The following XRCC1 variants were observed in gnomAD, a reference collection of about 807,000 sequenced individuals.
XRCC1 encodes X-ray repair cross complementing 1.
XRCC1 carries 52 observed loss-of-function variants against 83.3 expected under a neutral mutation model. The ratio of observed to expected loss-of-function variants is 0.62; its 90% confidence interval spans 0.50 to 0.79. The LOEUF (loss-of-function observed/expected upper bound fraction) is 0.79, where lower values mean the gene tolerates loss of function less well. XRCC1 is among the 30% of genes least tolerant of loss of function. The probability of loss-of-function intolerance (pLI) is 0.00; values close to 1 mark genes in which losing one functional copy is unlikely to be tolerated. For missense variants in XRCC1, 793 were observed against 823.5 expected (o/e 0.96, Z 0.45); for synonymous variants, 281 against 312.6 (o/e 0.90, Z 1.07).
At position 43,552,791 on chromosome 19, in the gene XRCC1, G is replaced by A; in HGVS notation, c.823+6C>T. ...CCTGTGGAAACAAGGGATCTAGTTA[G>A]CTCACATTTAGGTCTCTTGGGAACA... On this transcript the variant is annotated splice_donor_region_variant and intron_variant, in intron 8 of 16. Coordinates refer to ENST00000262887, the MANE Select transcript of XRCC1 (RefSeq NM_006297.3). The A allele has an allele frequency of 1.3e-6, 2 of 1,597,878 alleles. No individual in the cohort carries two copies. Among genetic ancestry groups the A allele is most frequent in the South Asian group, 2.3e-5 (2 of 88,610 alleles).
Position 43,554,729 on chromosome 19 carries a change from A to G in XRCC1, c.331T>C (p.Phe111Leu). The G allele has an allele frequency of 6.2e-7, 1 of 1,614,062 alleles. No homozygotes were observed. Among genetic ancestry groups the G allele is most frequent in the Non-Finnish European group, 8.5e-7 (1 of 1,179,962 alleles). ...SGSNPNRVRM[F>L]GPDKLVRAAA... The stretch of plus-strand genomic sequence containing the variant: ...GCCCGGACCAGCTTGTCAGGCCCAA[A>G]CATGCGAACGCGGTTGGGGTTTGAG... Residue 111 changes from phenylalanine to leucine, a missense_variant, in exon 4 of 17, where the codon TTT (phenylalanine) becomes CTT (leucine). Physicochemically the swap from Phe to Leu is conservative, Grantham distance 22. Coordinates refer to ENST00000262887, the MANE Select transcript of XRCC1 (RefSeq NM_006297.3).
At chr19:43,564,516 C>G (rs1972732725) in intron 2 of XRCC1, among the ~76,000 whole-genome samples, 1 of 152,184 alleles carries the variant, frequency 6.6e-6, no homozygotes, top group Admixed American at 6.5e-5. Context: ...TGGCCAGGCG[C>G]AGTGGCTCAC....
chr19:43,566,382 A>T (rs1298287728), intron 2 of XRCC1, among the ~76,000 whole-genome samples: 1 of 151,348 alleles, frequency 6.6e-6, no homozygotes. Context: ...AAAATACAAA[A>T]ATTAACCAGG....
chr19:43,560,484 G>A (rs963624483), intron 3 of XRCC1, among the ~76,000 whole-genome samples: 2 of 152,166 alleles, frequency 1.3e-5, no homozygotes, highest in African/African-American at 4.8e-5. Flanking sequence ...AGGCGTTAGA[G>A]TGACAGGAGT....
intron 14 of XRCC1, 129 bp from the exon 15 acceptor site, chr19:43,544,363 G>T: frequency 2.6e-6 from 2 of 777,658 alleles, no homozygotes; most frequent in Non-Finnish European, 2.1e-6. Flanking sequence ...TTGATGGCAG[G>T]CAGTGGACCC....
intron 2 of XRCC1, among the ~76,000 whole-genome samples, chr19:43,565,173 G>A (rs917555142): frequency 2.6e-5 from 4 of 152,160 alleles, no homozygotes; most frequent in Admixed American, 1.3e-4. Context: ...AACCCACAGA[G>A]CTCCTTTGGC....
chr19:43,543,341 C>CGTGTGTGTGTGTGTGTGT lies in XRCC1; in HGVS notation c.*33_*50dup, dbSNP rs45592142. ...ACCAACTCATCTTTATTAAATGCAT[C>CGTGTGTGTGTGTGTGTGT]GTGTGTGTGTGTGTGTGTGTGTGTG... On this transcript the variant is annotated 3_prime_UTR_variant, in exon 17 of 17. Coordinates refer to ENST00000262887, the MANE Select transcript of XRCC1 (RefSeq NM_006297.3). 78 of 1,044,548 alleles carry CGTGTGTGTGTGTGTGTGT rather than the reference C, an allele frequency of 7.5e-5. No homozygotes were observed. The African/African-American group carries it at 9.5e-4, about 13-fold the overall frequency. The allele number at this position is 1,044,548 out of a possible 1,614,324, so 64.7% of individuals were successfully genotyped here. A position where few individuals can be genotyped will look rare whatever the true frequency, so the allele number is the denominator to read the frequency against.
chr19:43,557,323 A>T (rs1972648397), intron 3 of XRCC1, among the ~76,000 whole-genome samples: 1 of 151,816 alleles, frequency 6.6e-6, no homozygotes, highest in African/African-American at 2.4e-5. Flanking sequence ...AAAAAAAAAA[A>T]AAAAAAAAGA....
intron 14 of XRCC1, among the ~76,000 whole-genome samples, chr19:43,544,921 G>C (rs1972493814): frequency 6.6e-6 from 1 of 152,128 alleles, no homozygotes; most frequent in Non-Finnish European, 1.5e-5. Context: ...GCCTCTCAAA[G>C]TACGGGGTGA....
rs372832572 is a variant in XRCC1, at chr19:43,559,457, G to C, written c.255+1453C>G. Among the ~76,000 whole-genome samples, 9 of 134,428 alleles carry C rather than the reference G, an allele frequency of 6.7e-5. No individual in the cohort carries two copies. In the South Asian group the frequency reaches 2.2e-3, roughly 32 times the overall value. The allele number at this position is 134,428 out of a possible 152,430, so 88.2% of individuals were successfully genotyped here. A position where few individuals can be genotyped will look rare whatever the true frequency, so the allele number is the denominator to read the frequency against. ...ATCGCGCCACTGCACTCCAGCCTGG[G>C]CAACAGAGTGAGACTCCATCTCAAA... On this transcript the variant is annotated intron_variant, in intron 3 of 16. Coordinates refer to ENST00000262887, the MANE Select transcript of XRCC1 (RefSeq NM_006297.3).
At chr19:43,553,736 G>C in intron 4 of XRCC1, 53 bp from the exon 5 acceptor site, 1 of 1,430,680 alleles carries the variant, frequency 7.0e-7, no homozygotes, top group African/African-American at 1.4e-5. Context: ...CAGAGGCCAG[G>C]GCCCAAGACC....
At position 43,552,021 on chromosome 19, in the gene XRCC1, G is replaced by A. The variant is rs374382686; in HGVS notation, c.1078C>T (p.Leu360Phe). 1 of 1,613,942 alleles carries A rather than the reference G, an allele frequency of 6.2e-7. No homozygotes were observed. The highest frequency in any genetic ancestry group is 1.1e-5 in the South Asian group (1 of 91,088). ...GGGAGGGGGGCGCAAGCCTACATGA[G>A]GTGCGTGCTGTCCCGGGTCCAGTCT... ...RPDWTRDSTH[L>F]ICAFANTPKY... Residue 360 changes from leucine to phenylalanine, a missense_variant, in exon 9 of 17, where the codon CTC becomes TTC. Transcript: ENST00000262887.
rs3213273 is a variant in XRCC1 at position 43,570,440 on chromosome 19, G to A, written c.144+4470C>T. 1.6e-3 allele frequency among the ~76,000 whole-genome samples: 251 copies of A among 152,320 alleles called. 3 individuals are homozygous for A. The South Asian group carries it at 0.026, about 16-fold the overall frequency. On this transcript the variant is annotated intron_variant, in intron 2 of 16. Transcript: ENST00000262887. ...TGGCTAAGCCCCATGTGGTAAGATC[G>A]AGATTTTGCATAACAATAATTAGAG...
intron 2 of XRCC1, among the ~76,000 whole-genome samples, chr19:43,563,580 C>T (rs1228036806): frequency 6.6e-6 from 1 of 152,180 alleles, no homozygotes; most frequent in Non-Finnish European, 1.5e-5. Context: ...TTCCACCAGC[C>T]ACAACGGCCT....
intron 2 of XRCC1, among the ~76,000 whole-genome samples, chr19:43,570,887 A>C (rs1457842818): frequency 6.6e-6 from 1 of 152,238 alleles, no homozygotes; most frequent in Non-Finnish European, 1.5e-5. Flanking sequence ...CATTTGATGA[A>C]TCCAGAGTAA....
chr19:43,554,543 C>T, intron 4 of XRCC1, 103 bp downstream of exon 4: 1 of 1,400,564 alleles, frequency 7.1e-7, no homozygotes, highest in Admixed American at 2.4e-5. Context: ...CCATGGGACA[C>T]CAGCTGTCTA....
At chr19:43,548,417 GT>G (rs1314525286) in intron 10 of XRCC1, among the ~76,000 whole-genome samples, 1 of 152,240 alleles carries the variant, frequency 6.6e-6, no homozygotes. Context: ...ACTTCATTTT[GT>G]TCTGTACTAA....
intron 3 of XRCC1, among the ~76,000 whole-genome samples, chr19:43,559,809 G>C (rs1600054510): frequency 6.6e-6 from 1 of 152,078 alleles, no homozygotes; most frequent in African/African-American, 2.4e-5. Flanking sequence ...GCTGGGTGTG[G>C]TGGCTCATGC....
Position 43,548,766 on chromosome 19 carries a change from C to CAAAAAAAAAAAAAAAAAAA in XRCC1, c.1200-1808_1200-1790dup, listed in dbSNP as rs60740505. ...TCTGTGAGAAACACCCAAGAATGATCAAAAAAAAAAAAAAAAAAAACACAA... is the reference window on the plus strand; with the variant it reads ...TCTGTGAGAAACACCCAAGAATGATCAAAAAAAAAAAAAAAAAAAAAAAAAAAAAAAAAAAAAAACACAA... On this transcript the variant is annotated intron_variant, in intron 10 of 16. Coordinates refer to ENST00000262887, the MANE Select transcript of XRCC1 (RefSeq NM_006297.3). Among the ~76,000 whole-genome samples, 29 of 64,572 alleles carry CAAAAAAAAAAAAAAAAAAA rather than the reference C, an allele frequency of 4.5e-4. 1 individual carries two copies. Among genetic ancestry groups the CAAAAAAAAAAAAAAAAAAA allele is most frequent in the Non-Finnish European group, 5.8e-4 (19 of 32,576 alleles). 42.4% of individuals were successfully genotyped at this position (64,572 alleles called of 152,430 possible).
Sources: gnomAD v4.1 joint callset for allele counts (sites outside exome capture counted in the v4.1 genomes callset) on GRCh38, gnomAD v4.1.1 for gene constraint, MANE v1.5 for transcripts, NCBI Gene and HGNC (gene_info 2026-07-23, HGNC 2026-07-21) for gene names.